DTNA: variants seen among roughly 807,000 people sequenced by gnomAD.
DTNA encodes the protein dystrophin-related protein 3.
Under a neutral mutation model 100.7 loss-of-function variants are expected in DTNA, and 43 were observed. That is an observed-to-expected ratio of 0.43 (90% confidence interval 0.33 to 0.55). The LOEUF is 0.55. Ranked by LOEUF, DTNA falls within the 20% of genes least tolerant of loss-of-function variation. The probability of loss-of-function intolerance (pLI) is 0.04; values close to 1 mark genes in which losing one functional copy is unlikely to be tolerated. For synonymous variants in DTNA, 349 were observed against 347.9 expected (o/e 1.00, Z -0.04); for missense variants, 798 against 953.9 (o/e 0.84, Z 2.15).
At chr18:34,674,765 T>A (rs1317875389) in intron 1 of DTNA, among the ~76,000 whole-genome samples, 1 of 152,218 alleles carries the variant, frequency 6.6e-6, no homozygotes, top group Non-Finnish European at 1.5e-5. Context: ...CATTAAAGAT[T>A]ATGTACTAGA....
intron 18 of DTNA, among the ~76,000 whole-genome samples, 192 bp from the exon 19 acceptor site, chr18:34,877,527 C>T (rs2096830243): frequency 6.6e-6 from 1 of 152,134 alleles, no homozygotes; most frequent in Non-Finnish European, 1.5e-5. Context: ...TACTGCAGGA[C>T]CCACTGCCCT....
chr18:34,867,162 G>A (rs984013148), intron 17 of DTNA: 25 of 1,230,934 alleles, frequency 2.0e-5, no homozygotes, highest in African/African-American at 4.7e-5. Flanking sequence ...CAATTTCAAC[G>A]TATCTTTCAT....
intron 1 of DTNA, among the ~76,000 whole-genome samples, chr18:34,598,973 A>G (rs2051222788): frequency 6.6e-6 from 1 of 152,238 alleles, no homozygotes; most frequent in Admixed American, 6.5e-5. Context: ...AATATAGTTG[A>G]TGGGAACCAG....
chr18:34,675,224 A>C (rs901529827), intron 1 of DTNA, among the ~76,000 whole-genome samples: 2 of 151,960 alleles, frequency 1.3e-5, no homozygotes, highest in Non-Finnish European at 2.9e-5. Flanking sequence ...TACCTACTAG[A>C]TGCCAGTTGC....
At position 34,851,488 on chromosome 18, in the gene DTNA, G is replaced by A. The variant is rs148435952; in HGVS notation, c.1435-343G>A. Among the ~76,000 whole-genome samples the A allele has an allele frequency of 9.4e-4, 143 of 152,310 alleles. No individual in the cohort carries two copies. The Middle Eastern group carries it at 0.02, about 22-fold the overall frequency. ...TCTCAACAGTGCAACATCTTTTAAA[G>A]CCACCTATAATGAAAGAATAGGTAC... is the stretch of plus-strand genomic sequence containing the variant. On this transcript the variant is annotated intron_variant, in intron 14 of 22. Coordinates refer to ENST00000444659, the MANE Select transcript of DTNA (RefSeq NM_001386795.1).
chr18:34,877,649 A>G (rs2096831594), intron 18 of DTNA, 70 bp from the exon 19 acceptor site: 2 of 1,400,226 alleles, frequency 1.4e-6, no homozygotes, highest in African/African-American at 2.9e-5. Context: ...TGGGAAGGAT[A>G]AATAAACAAC....
At chr18:34,848,561 T>C (rs2096421454) in intron 14 of DTNA, among the ~76,000 whole-genome samples, 178 bp downstream of exon 14, 2 of 152,086 alleles carry the variant, frequency 1.3e-5, no homozygotes, top group Non-Finnish European at 1.5e-5. Context: ...AGTTTAAAAA[T>C]GGAAGACTTG....
At chr18:34,818,786 G>C (rs1163337722) in intron 8 of DTNA, 1 of 443,996 alleles carries the variant, frequency 2.3e-6, no homozygotes, top group African/African-American at 2.1e-5. Flanking sequence ...GGAGAGTGTG[G>C]ACTTAATAAT....
upstream of DTNA, among the ~76,000 whole-genome samples, chr18:34,707,963 G>T (rs1347136411): frequency 6.6e-6 from 1 of 152,172 alleles, no homozygotes; most frequent in East Asian, 1.9e-4. Context: ...CTGATTTGTT[G>T]TGGGGCTTTT....
At chr18:34,595,176 A>G (rs1432649324) in intron 1 of DTNA, among the ~76,000 whole-genome samples, 1 of 152,244 alleles carries the variant, frequency 6.6e-6, no homozygotes, top group Non-Finnish European at 1.5e-5. Context: ...AATGGTTGAC[A>G]ATAAGAATGA....
At chr18:34,808,060 C>CA (rs2095409051) in intron 5 of DTNA, among the ~76,000 whole-genome samples, 1 of 151,866 alleles carries the variant, frequency 6.6e-6, no homozygotes, top group South Asian at 2.1e-4. Context: ...AAAAGCTAAA[C>CA]AAAAAAATCC....
Position 34,516,966 on chromosome 18 carries a change from A to C in DTNA, c.-2+23452A>C, listed in dbSNP as rs1030354717. Among the ~76,000 whole-genome samples the C allele has an allele frequency of 7.3e-5, 11 of 151,614 alleles. No homozygotes were observed. In the East Asian group the frequency reaches 1.5e-3, roughly 21 times the overall value. On this transcript the variant is annotated intron_variant, in intron 1 of 19. Transcript: ENST00000283365. ...AAGAGTATTGATTGGGGAAGTGATA[A>C]ATGTCCACGAAATCTTCACAATTTA...
At chr18:34,751,313 G>A (rs1016354327) in intron 1 of DTNA, among the ~76,000 whole-genome samples, 3 of 152,156 alleles carry the variant, frequency 2.0e-5, no homozygotes, top group African/African-American at 7.2e-5. Context: ...CAATTCACTG[G>A]ACTCTTCCGT....
chr18:34,574,692 T>G (rs2047942713), intron 1 of DTNA, among the ~76,000 whole-genome samples: 1 of 152,206 alleles, frequency 6.6e-6, no homozygotes, highest in Admixed American at 6.5e-5. Context: ...GCAGTAATGA[T>G]GTGATCATAG....
chr18:34,879,050 A>C (rs544994501), intron 19 of DTNA, among the ~76,000 whole-genome samples: 19 of 152,376 alleles, frequency 1.2e-4, no homozygotes, highest in African/African-American at 4.3e-4. Flanking sequence ...GCAAATGATG[A>C]GTACAAAGTT....
At chr18:34,827,195 C>G (rs962547476) in intron 9 of DTNA, among the ~76,000 whole-genome samples, 4 of 152,158 alleles carry the variant, frequency 2.6e-5, no homozygotes, top group Non-Finnish European at 5.9e-5. Context: ...TTCAAAGCCT[C>G]AGGAATCTTC....
intron 5 of DTNA, among the ~76,000 whole-genome samples, chr18:34,810,487 A>G (rs1303085455): frequency 6.6e-6 from 1 of 151,576 alleles, no homozygotes; most frequent in Non-Finnish European, 1.5e-5. Flanking sequence ...AAAAAAAAAA[A>G]CTGAACTCAT....
intron 13 of DTNA, among the ~76,000 whole-genome samples, chr18:34,841,138 T>A (rs2096260928): frequency 6.6e-6 from 1 of 152,148 alleles, no homozygotes; most frequent in East Asian, 1.9e-4. Context: ...CAAGTAAAGG[T>A]ATCATTTTAG....
At chr18:34,703,135 T>C (rs1289208753) in intron 1 of DTNA, among the ~76,000 whole-genome samples, 1 of 152,192 alleles carries the variant, frequency 6.6e-6, no homozygotes, top group Non-Finnish European at 1.5e-5. Context: ...TGAATGTGGA[T>C]TGTCGGGTTT....
Sources: gnomAD v4.1 joint callset for allele counts (sites outside exome capture counted in the v4.1 genomes callset) on GRCh38, gnomAD v4.1.1 for gene constraint, MANE v1.5 for transcripts, NCBI Gene and HGNC (gene_info 2026-07-23, HGNC 2026-07-21) for gene names.